SORL1: variants seen among roughly 807,000 people sequenced by gnomAD.
The protein encoded by SORL1 is sortilin-related receptor.
SORL1 carries 127 observed loss-of-function variants against 273.7 expected under a neutral mutation model. The ratio of observed to expected loss-of-function variants is 0.46; its 90% CI spans 0.40 to 0.54. The LOEUF (loss-of-function observed/expected upper bound fraction) is 0.54. Among genes scored for constraint, SORL1 ranks in the 20% least tolerant of loss-of-function variants. SORL1 has a pLI of 0.00. For synonymous variants in SORL1, 1,031 were observed against 1,067.4 expected (o/e 0.97, Z 0.66); for missense variants, 2,494 against 2,846.1 (o/e 0.88, Z 2.81).
At chr11:121,605,051 G>T in intron 33 of SORL1, 62 bp from the exon 34 acceptor site, 1 of 1,497,866 alleles carries the variant, frequency 6.7e-7, no homozygotes, top group Non-Finnish European at 9.1e-7. Context: ...GATTACAGGC[G>T]TGAGCCACCA....
chr11:121,592,998 G>A (rs1242556173), intron 31 of SORL1, among the ~76,000 whole-genome samples: 1 of 152,162 alleles, frequency 6.6e-6, no homozygotes, highest in Non-Finnish European at 1.5e-5. Context: ...GTTATCTGTA[G>A]CTCGTGGATC....
At chr11:121,465,873 G>T (rs2134775770) in intron 1 of SORL1, among the ~76,000 whole-genome samples, 1 of 152,272 alleles carries the variant, frequency 6.6e-6, no homozygotes, top group East Asian at 1.9e-4. Flanking sequence ...CAGGCAGAGG[G>T]CGACAGAGCC....
intron 23 of SORL1, among the ~76,000 whole-genome samples, chr11:121,570,931 T>G (rs1862832385): frequency 6.6e-6 from 1 of 152,206 alleles, no homozygotes; most frequent in African/African-American, 2.4e-5. Flanking sequence ...TATCTTTTCT[T>G]CACTTAATTT....
Position 121,629,685 on chromosome 11 carries a change from AAAAAAC to A in SORL1, c.*128_*133del. On this transcript the variant is annotated 3_prime_UTR_variant, in exon 48 of 48. Transcript: ENST00000260197. Reference sequence around the variant, plus strand: ...TGTTATTTTTATATGGGCCAAAAACAAAAAACAAAAAAAAAAAAAAGGAAAGAAAGG... The same window carrying A: ...TGTTATTTTTATATGGGCCAAAAACAAAAAAAAAAAAAAAGGAAAGAAAGG... 1.7e-6 allele frequency: 1 copy of A among 588,376 alleles called. No homozygotes were observed. Among genetic ancestry groups the A allele is most frequent in the Non-Finnish European group, 3.0e-6 (1 of 330,868 alleles). 36.4% of individuals were successfully genotyped at this position (588,376 alleles called of 1,614,324 possible). A position where few individuals can be genotyped will look rare whatever the true frequency, so the allele number is the denominator to read the frequency against.
intron 39 of SORL1, 37 bp from the exon 40 acceptor site, chr11:121,612,699 T>C (rs758817504): frequency 8.2e-6 from 12 of 1,469,404 alleles, no homozygotes; most frequent in Admixed American, 3.3e-5. Flanking sequence ...GCCCCATGAC[T>C]AGCTGTTCAT....
At chr11:121,540,669 C>G (rs774899410) in intron 12 of SORL1, among the ~76,000 whole-genome samples, 1 of 152,150 alleles carries the variant, frequency 6.6e-6, no homozygotes, top group Non-Finnish European at 1.5e-5. Flanking sequence ...AAGACAAGAG[C>G]CTTTTCCCCA....
chr11:121,612,785 A>C lies in SORL1; in HGVS notation c.5372A>C (p.Gln1791Pro). The C allele has an allele frequency of 3.1e-6, 5 of 1,614,156 alleles. No homozygotes were observed. Among genetic ancestry groups the C allele is most frequent in the Non-Finnish European group, 4.2e-6 (5 of 1,179,986 alleles). The change falls in exon 40 of 48, where the codon CAA becomes CCA. Residue 1791 changes from glutamine (Q) to proline (P), a missense_variant. By Grantham distance (76) the Gln-to-Pro change is moderately conservative. Around this residue, in one of 3 missense-constraint regions of SORL1, gnomAD observed 1,609 missense variants for 1,816.4 expected, o/e 0.89. Transcript: ENST00000260197. ...NLFWAFDTHK[Q>P]ERRTLNFRGS... ...TTCTGGGCATTTGACACCCACAAGC[A>C]AGAGAGGAGAACTTTGAACTTCCGA...
chr11:121,468,800 T>C (rs1861128149), intron 1 of SORL1, among the ~76,000 whole-genome samples: 1 of 152,206 alleles, frequency 6.6e-6, no homozygotes, highest in African/African-American at 2.4e-5. Flanking sequence ...GGTGTTCAAA[T>C]GCCAGTCCTC....
rs535250342 is a variant in SORL1, at chr11:121,522,549, T to A, written c.1405-37T>A. On this transcript the variant is annotated intron_variant, in intron 9 of 47. Transcript: ENST00000260197. ...TTTACAGGGAACGCTAGGCATGGTA[T>A]CATGTGCTGACACTGCCTGAAACTT... 3.5e-5 allele frequency: 51 copies of A among 1,439,054 alleles called. 1 individual carries two copies. The South Asian group carries it at 5.4e-4, about 15-fold the overall frequency. 89.1% of individuals were successfully genotyped at this position (1,439,054 alleles called of 1,614,324 possible).
rs971745618 is a variant in SORL1, at chr11:121,595,320, C to T, written c.4370-303C>T. Among the ~76,000 whole-genome samples the T allele has an allele frequency of 1.3e-5, 2 of 152,216 alleles. No individual in the cohort carries two copies. Among genetic ancestry groups the T allele is most frequent in the Non-Finnish European group, 2.9e-5 (2 of 68,038 alleles). ...ACGGCTTAGGGTAGGACGCAGCCTT[C>T]GCTGGCCTCTTTAGTCACATACCGC... is the stretch of plus-strand genomic sequence containing the variant. On this transcript the variant is annotated intron_variant, in intron 31 of 47. Coordinates refer to ENST00000260197, the MANE Select transcript of SORL1 (RefSeq NM_003105.6). The surrounding 1 kb of genome is among the most constrained non-coding windows in gnomAD (Gnocchi z 5.1).
At position 121,605,441 on chromosome 11, in the gene SORL1, C is replaced by T; in HGVS notation, c.4818C>T (p.His1606=). 6.2e-7 allele frequency: 1 copy of T among 1,613,898 alleles called. No individual in the cohort carries two copies. Among genetic ancestry groups the T allele is most frequent in the Non-Finnish European group, 8.5e-7 (1 of 1,179,818 alleles). ...GESIWKTLET[H]SNKTNTVLKV... The stretch of plus-strand genomic sequence containing the variant: ...GCATATGGAAGACTCTGGAGACCCA[C>T]AGCAATAAGACAAACACTGTATTAA... The change falls in exon 35 of 48, where the codon CAC becomes CAT. Residue 1606 remains histidine (H), a synonymous_variant. Transcript: ENST00000260197.
intron 21 of SORL1, 90 bp from the exon 22 acceptor site, chr11:121,566,850 C>A: frequency 1.6e-6 from 2 of 1,237,720 alleles, no homozygotes; most frequent in Non-Finnish European, 1.1e-6. Context: ...TTCCGTAAGA[C>A]GAGGAGGTTG....
At chr11:121,628,479 C>T (rs1015918238) in intron 47 of SORL1, among the ~76,000 whole-genome samples, 1 of 152,090 alleles carries the variant, frequency 6.6e-6, no homozygotes, top group Admixed American at 6.6e-5. Flanking sequence ...TGACAGGAGG[C>T]GAGGCTCAGG....
At chr11:121,504,593 T>C (rs1861760468) in intron 6 of SORL1, among the ~76,000 whole-genome samples, 1 of 152,190 alleles carries the variant, frequency 6.6e-6, no homozygotes, top group African/African-American at 2.4e-5. Context: ...GTGGATTCCT[T>C]AGGATTTTCT....
At position 121,488,190 on chromosome 11, in the gene SORL1, G is replaced by A; in HGVS notation, c.687G>A (p.Lys229=). The change falls in exon 4 of 48, where the codon AAG becomes AAA. Residue 229 remains lysine (K), a synonymous_variant. Coordinates refer to ENST00000260197, the MANE Select transcript of SORL1 (RefSeq NM_003105.6). ...LLGFDRSHPN[K]QLWKSDDFGQ... ...GCTTTGACAGGTCCCACCCCAACAAGCAGGTAAGAGGGCTTTCAGAACCCA... is the reference window on the plus strand; with the variant it reads ...GCTTTGACAGGTCCCACCCCAACAAACAGGTAAGAGGGCTTTCAGAACCCA... 1 of 1,613,858 alleles carries A rather than the reference G, an allele frequency of 6.2e-7. No homozygotes were observed. The highest frequency in any genetic ancestry group is 8.5e-7 in the Non-Finnish European group (1 of 1,179,852).
chr11:121,501,997 G>C (rs1274792534), intron 6 of SORL1, among the ~76,000 whole-genome samples: 1 of 151,976 alleles, frequency 6.6e-6, no homozygotes, highest in African/African-American at 2.4e-5. Context: ...CATTTGGCTT[G>C]TGTCTACTGT....
chr11:121,606,803 C>T, intron 35 of SORL1, 42 bp from the exon 36 acceptor site: 3 of 1,349,022 alleles, frequency 2.2e-6, no homozygotes, highest in East Asian at 2.5e-5. Context: ...TGGTTGGCTG[C>T]TATGCAGATG....
intron 14 of SORL1, among the ~76,000 whole-genome samples, chr11:121,549,079 G>T (rs1035332100): frequency 5.3e-5 from 8 of 152,188 alleles, no homozygotes; most frequent in Non-Finnish European, 8.8e-5. Context: ...CCTACTCCAG[G>T]ATGCTGCCCT....
chr11:121,548,773 C>A (rs1205088099), intron 14 of SORL1, among the ~76,000 whole-genome samples: 2 of 151,954 alleles, frequency 1.3e-5, no homozygotes, highest in African/African-American at 2.4e-5. Context: ...TGCCATGTTG[C>A]CCAGGCTGGT....
Sources: allele counts gnomAD v4.1 joint callset (sites outside exome capture counted in the v4.1 genomes callset), GRCh38; gene constraint gnomAD v4.1.1; regional missense constraint gnomAD v4.1.1; non-coding constraint Gnocchi (gnomAD v3.1); transcripts MANE v1.5; gene names NCBI Gene and HGNC (gene_info 2026-07-23, HGNC 2026-07-21).